Variants in CHST8 observed in about 807,000 individuals in gnomAD.
CHST8 encodes the protein GALNAC-4-ST1.
Under a neutral mutation model 15.0 loss-of-function variants are expected in CHST8, and 10 were observed. The ratio of observed to expected loss-of-function variants is 0.67; its 90% CI spans 0.41 to 1.13. The LOEUF is 1.13. CHST8 is among the 50% of genes most tolerant of loss of function. CHST8 has a pLI of 0.00. For missense variants in CHST8, 634 were observed against 608.2 expected (o/e 1.04, Z -0.45); for synonymous variants, 259 against 256.6 (o/e 1.01, Z -0.09).
chr19:33,720,641 C>G (rs1286910542), intron 3 of CHST8, among the ~76,000 whole-genome samples: 3 of 152,254 alleles, frequency 2.0e-5, no homozygotes, highest in African/African-American at 7.2e-5. Flanking sequence ...CCTGGGGCTC[C>G]CACAGTAAGC....
chr19:33,698,399 A>AAAG (rs1555717004), intron 3 of CHST8, among the ~76,000 whole-genome samples: 18 of 135,864 alleles, frequency 1.3e-4, no homozygotes, highest in African/African-American at 6.4e-4. Flanking sequence ...AAAAAAAAAA[A>AAAG]AAAGAAAGAA....
At chr19:33,643,611 G>A (rs997336778) in intron 1 of CHST8, among the ~76,000 whole-genome samples, 1 of 152,126 alleles carries the variant, frequency 6.6e-6, no homozygotes, top group Non-Finnish European at 1.5e-5. Flanking sequence ...ATGCCACCTT[G>A]ACCATTTGCT....
intron 1 of CHST8, among the ~76,000 whole-genome samples, chr19:33,629,411 G>T (rs1972095743): frequency 6.6e-6 from 1 of 152,220 alleles, no homozygotes; most frequent in East Asian, 1.9e-4. Flanking sequence ...TCCTCCCCAA[G>T]GGAGCCAGTC....
chr19:33,752,245 G>C (rs962342304), intron 3 of CHST8, among the ~76,000 whole-genome samples: 4 of 152,160 alleles, frequency 2.6e-5, no homozygotes, highest in African/African-American at 7.2e-5. Context: ...CCCCCTGCCC[G>C]GGGAGAGGAA....
chr19:33,743,333 G>C (rs543264806), intron 3 of CHST8, among the ~76,000 whole-genome samples: 1 of 125,188 alleles, frequency 8.0e-6, no homozygotes, highest in Non-Finnish European at 1.6e-5. Flanking sequence ...ACGGAGTCTC[G>C]CTGTTACCCA....
rs187727653 is a variant in CHST8, at chr19:33,636,704, G to A, written c.-164+14408G>A. On this transcript the variant is annotated intron_variant, in intron 1 of 4. Coordinates refer to ENST00000650847, the MANE Select transcript of CHST8 (RefSeq NM_001127895.2). ...TCACCTGAGCTCAGGAGTTCGAGAC[G>A]AGCCCGGCTAACATGGTGAAACCCC... 3.7e-3 allele frequency among the ~76,000 whole-genome samples: 561 copies of A among 152,150 alleles called. 2 individuals carry two copies. The highest frequency in any genetic ancestry group is 6.3e-3 in the Non-Finnish European group (426 of 67,990).
At chr19:33,665,637 G>GA (rs537538600) in intron 1 of CHST8, among the ~76,000 whole-genome samples, 2,878 of 141,578 alleles carry the variant, frequency 0.02, 45 homozygotes, top group African/African-American at 0.022. Context: ...CTTCAAAACT[G>GA]AAAAAAAAAA....
chr19:33,687,014 C>T (rs1266886216), intron 2 of CHST8, among the ~76,000 whole-genome samples: 4 of 152,250 alleles, frequency 2.6e-5, no homozygotes, highest in African/African-American at 9.6e-5. Flanking sequence ...TGTGTCGGTG[C>T]GTGACATCTT....
chr19:33,760,838 C>T (rs1974709465), intron 3 of CHST8, among the ~76,000 whole-genome samples: 1 of 152,168 alleles, frequency 6.6e-6, no homozygotes, highest in East Asian at 1.9e-4. Flanking sequence ...GCTGCCATCA[C>T]ACATGGAGTT....
At chr19:33,742,404 G>A (rs1974212056) in intron 3 of CHST8, among the ~76,000 whole-genome samples, 1 of 152,208 alleles carries the variant, frequency 6.6e-6, no homozygotes, top group African/African-American at 2.4e-5. Context: ...ATGGCAGAAG[G>A]CGAAGGGGTA....
chr19:33,637,953 A>G (rs1255693206), intron 1 of CHST8, among the ~76,000 whole-genome samples: 1 of 151,562 alleles, frequency 6.6e-6, no homozygotes, highest in Non-Finnish European at 1.5e-5. Context: ...TTCCTAACAG[A>G]TTCTCCAAGG....
intron 3 of CHST8, among the ~76,000 whole-genome samples, chr19:33,767,730 C>A (rs985711710): frequency 6.6e-6 from 1 of 152,108 alleles, no homozygotes; most frequent in African/African-American, 2.4e-5. Context: ...ACTCAAGACA[C>A]CGAAAGTGGG....
chr19:33,746,589 T>C (rs955687480), intron 3 of CHST8, among the ~76,000 whole-genome samples: 7 of 152,266 alleles, frequency 4.6e-5, no homozygotes, highest in African/African-American at 1.7e-4. Context: ...CATTTATCAG[T>C]TTGCCTGTTG....
At chr19:33,675,138 C>A (rs748616816) in intron 2 of CHST8, among the ~76,000 whole-genome samples, 1 of 152,180 alleles carries the variant, frequency 6.6e-6, no homozygotes. Flanking sequence ...CTCTTGTCTC[C>A]TACTCACTGA....
At chr19:33,653,488 C>T (rs1221927445) in intron 1 of CHST8, among the ~76,000 whole-genome samples, 1 of 152,164 alleles carries the variant, frequency 6.6e-6, no homozygotes, top group East Asian at 1.9e-4. Flanking sequence ...CTTATTCACT[C>T]TTAGGACTCA....
At chr19:33,728,150 G>C (rs546519393) in intron 3 of CHST8, among the ~76,000 whole-genome samples, 9 of 152,356 alleles carry the variant, frequency 5.9e-5, no homozygotes, top group African/African-American at 2.2e-4. Flanking sequence ...CCTCACCCCA[G>C]CCAGCCCCAT....
intron 2 of CHST8, among the ~76,000 whole-genome samples, chr19:33,688,086 G>A (rs1973018582): frequency 6.6e-6 from 1 of 152,196 alleles, no homozygotes; most frequent in South Asian, 2.1e-4. Context: ...AAAGTAAGGG[G>A]ACAGAGTGAC....
rs1162541937 is a variant in CHST8 at position 33,773,184 on chromosome 19, C to G, written c.*121C>G. ...GGGCTCTGAGGACGTGAGGAGCCAT[C>G]GCTGTGGGAGGCAGCAGGCCCCGGG... On this transcript the variant is annotated 3_prime_UTR_variant, in exon 5 of 5. Transcript: ENST00000650847. 2.5e-6 allele frequency: 3 copies of G among 1,198,610 alleles called. No individual in the cohort carries two copies. Among genetic ancestry groups the G allele is most frequent in the Non-Finnish European group, 3.4e-6 (3 of 882,896 alleles). 74.2% of individuals were successfully genotyped at this position (1,198,610 alleles called of 1,614,324 possible). A position where few individuals can be genotyped will look rare whatever the true frequency, so the allele number is the denominator to read the frequency against.
chr19:33,689,478 G>T (rs1031773765), intron 3 of CHST8, 87 bp downstream of exon 3: 1 of 1,404,924 alleles, frequency 7.1e-7, no homozygotes, highest in Non-Finnish European at 9.4e-7. Context: ...GGTGTGCTGG[G>T]CTTGGGGGAA....
Sources: allele counts gnomAD v4.1 joint callset (sites outside exome capture counted in the v4.1 genomes callset), GRCh38; gene constraint gnomAD v4.1.1; transcripts MANE v1.5; gene names NCBI Gene and HGNC (gene_info 2026-07-23, HGNC 2026-07-21).